UBN2: variants seen among roughly 807,000 people sequenced by gnomAD.
The protein encoded by UBN2 is ubinuclein 2.
UBN2 carries 35 observed loss-of-function variants against 120.2 expected under a neutral mutation model. The observed-to-expected ratio is 0.29, with a 90% CI of 0.22 to 0.39. The LOEUF is 0.39. Among genes scored for constraint, UBN2 ranks in the 10% least tolerant of loss-of-function variants. UBN2 has a pLI of 1.00. For synonymous variants in UBN2, 661 were observed against 648.7 expected, an observed-to-expected ratio of 1.02 and a Z score of -0.29; for missense variants, 1,693 against 1,663.2, an observed-to-expected ratio of 1.02 and a Z score of -0.31.
chr7:139,231,767 C>T lies in UBN2; in HGVS notation c.283C>T (p.Pro95Ser). ...SLQREPPRPE[P>S]PPPFPPLPLQ... is the part of the protein sequence containing the mutation. Reference sequence around the variant, plus strand: ...GCAGCGGGAGCCCCCGCGGCCCGAGCCGCCGCCGCCGTTCCCGCCGCTGCC... The same window carrying T: ...GCAGCGGGAGCCCCCGCGGCCCGAGTCGCCGCCGCCGTTCCCGCCGCTGCC... The change falls in exon 1 of 18, where the codon CCG becomes TCG. Residue 95 changes from proline (P) to serine (S), a missense_variant. By Grantham distance (74) the Pro-to-Ser change is moderately conservative (BLOSUM62 -1). Coordinates refer to ENST00000473989, the MANE Select transcript of UBN2 (RefSeq NM_173569.4). 1 of 1,245,224 alleles carries T rather than the reference C, an allele frequency of 8.0e-7. No individual in the cohort carries two copies. Among genetic ancestry groups the T allele is most frequent in the Non-Finnish European group, 1.0e-6 (1 of 999,842 alleles). The allele number at this position is 1,245,224 out of a possible 1,614,324, so 77.1% of individuals were successfully genotyped here. A position where few individuals can be genotyped will look rare whatever the true frequency, so the allele number is the denominator to read the frequency against.
chr7:139,302,273 A>G lies in UBN2; in HGVS notation c.*4437A>G, dbSNP rs2131087240. 1 of 152,352 alleles carries G rather than the reference A, an allele frequency of 6.6e-6. No homozygotes were observed. The highest frequency in any genetic ancestry group is 2.4e-5 in the African/African-American group (1 of 41,576). 9.4% of individuals were successfully genotyped at this position (152,352 alleles called of 1,614,324 possible). A position where few individuals can be genotyped will look rare whatever the true frequency, so the allele number is the denominator to read the frequency against. ...TGTAAGATACATACATTACATATAT[A>G]TAAAACTAGGAGCTGCTGTACCATT... On this transcript the variant is annotated 3_prime_UTR_variant, in exon 18 of 18. Coordinates refer to ENST00000473989, the MANE Select transcript of UBN2 (RefSeq NM_173569.4).
intron 15 of UBN2, among the ~76,000 whole-genome samples, chr7:139,289,680 G>A (rs1797894878): frequency 6.6e-6 from 1 of 152,004 alleles, no homozygotes; most frequent in Non-Finnish European, 1.5e-5. Flanking sequence ...CCAAAGTGCT[G>A]GGATAATAGG....
rs950663422 is a variant in UBN2 at position 139,299,951 on chromosome 7, A to G, written c.*2115A>G. On this transcript the variant is annotated 3_prime_UTR_variant, in exon 18 of 18. Coordinates refer to ENST00000473989, the MANE Select transcript of UBN2 (RefSeq NM_173569.4). ...AAGTGCGTATTAATTTCTCTTCCTG[A>G]ATACTTGTATATATGTTTGTCTGTA... 3.3e-5 allele frequency: 5 copies of G among 152,140 alleles called. No homozygotes were observed. The highest frequency in any genetic ancestry group is 7.4e-5 in the Non-Finnish European group (5 of 68,018). The allele number at this position is 152,140 out of a possible 1,614,324, so 9.4% of individuals were successfully genotyped here.
At chr7:139,266,466 T>G in intron 7 of UBN2, 63 bp downstream of exon 7, 1 of 932,334 alleles carries the variant, frequency 1.1e-6, no homozygotes, top group African/African-American at 1.7e-5. Context: ...GTAATAGGCC[T>G]TTGAGATACT....
intron 3 of UBN2, among the ~76,000 whole-genome samples, chr7:139,257,846 C>A (rs1225076037): frequency 6.6e-6 from 1 of 151,834 alleles, no homozygotes; most frequent in Non-Finnish European, 1.5e-5. Context: ...TGTGCAATGA[C>A]GCAATCTTGG....
At chr7:139,267,607 A>G (rs892932927) in intron 7 of UBN2, among the ~76,000 whole-genome samples, 16 of 152,148 alleles carry the variant, frequency 1.1e-4, no homozygotes, top group African/African-American at 3.6e-4. Context: ...TATTTATAAT[A>G]CTATGATTTC....
rs948076649 is a variant in UBN2 at position 139,298,097 on chromosome 7, A to G, written c.*261A>G. ...AGAGTTACCGTATTAACAGACTTGA[A>G]AGAGACTCAGTTGTCAAACCCACAG... On this transcript the variant is annotated 3_prime_UTR_variant, in exon 18 of 18. Transcript: ENST00000473989. The G allele has an allele frequency of 7.9e-6, 3 of 378,698 alleles. No homozygotes were observed. The highest frequency in any genetic ancestry group is 1.4e-5 in the Non-Finnish European group (3 of 211,042). 23.5% of individuals were successfully genotyped at this position (378,698 alleles called of 1,614,324 possible).
intron 2 of UBN2, among the ~76,000 whole-genome samples, chr7:139,241,365 A>G (rs1020216165): frequency 2.0e-5 from 3 of 152,222 alleles, no homozygotes; most frequent in Non-Finnish European, 4.4e-5. Context: ...TTTGAATCTG[A>G]ATGACTCTCT....
chr7:139,282,380 G>A (rs532317191), intron 14 of UBN2, among the ~76,000 whole-genome samples: 109 of 152,184 alleles, frequency 7.2e-4, no homozygotes, highest in African/African-American at 2.5e-3. Flanking sequence ...TCTTAGCATA[G>A]AGCCCTGCTC....
In UBN2 at chr7:139,300,832, G is replaced by T. The variant is rs1300692910; in HGVS notation, c.*2996G>T. On this transcript the variant is annotated 3_prime_UTR_variant, in exon 18 of 18. Transcript: ENST00000473989. ...CAGGGTTGTCCTCGGAGATAGCTGT[G>T]CTGAGCCTCAGTTGGAGACTGGGAG... 1 of 152,234 alleles carries T rather than the reference G, an allele frequency of 6.6e-6. No individual in the cohort carries two copies. The highest frequency in any genetic ancestry group is 1.5e-5 in the Non-Finnish European group (1 of 68,040). The allele number at this position is 152,234 out of a possible 1,614,324, so 9.4% of individuals were successfully genotyped here.
chr7:139,297,999 G>T lies in UBN2; in HGVS notation c.*163G>T. 1 of 707,220 alleles carries T rather than the reference G, an allele frequency of 1.4e-6. No individual in the cohort carries two copies. The highest frequency in any genetic ancestry group is 2.3e-6 in the Non-Finnish European group (1 of 429,980). The allele number at this position is 707,220 out of a possible 1,614,324, so 43.8% of individuals were successfully genotyped here. A position where few individuals can be genotyped will look rare whatever the true frequency, so the allele number is the denominator to read the frequency against. Reference sequence around the variant, plus strand: ...AAAAAGAAAAGAAAACATTACTTGAGCAAAGCCAGGTGCAGGAGGAAGAAA... The same window carrying T: ...AAAAAGAAAAGAAAACATTACTTGATCAAAGCCAGGTGCAGGAGGAAGAAA... On this transcript the variant is annotated 3_prime_UTR_variant, in exon 18 of 18. Transcript: ENST00000473989.
chr7:139,231,340 C>T lies in UBN2; in HGVS notation c.-145C>T. 1 of 625,710 alleles carries T rather than the reference C, an allele frequency of 1.6e-6. No homozygotes were observed. Among genetic ancestry groups the T allele is most frequent in the Non-Finnish European group, 2.3e-6 (1 of 432,910 alleles). The allele number at this position is 625,710 out of a possible 1,614,324, so 38.8% of individuals were successfully genotyped here. On this transcript the variant is annotated 5_prime_UTR_variant, in exon 1 of 18. Coordinates refer to ENST00000473989, the MANE Select transcript of UBN2 (RefSeq NM_173569.4). ...GTAGCGGGGAAGGGGACACGGTCCG[C>T]ACTCACCGTGGCGCCGGCGGAGACG... is the stretch of plus-strand genomic sequence containing the variant.
At chr7:139,258,974 G>C (rs1204881471) in intron 4 of UBN2, among the ~76,000 whole-genome samples, 2 of 152,070 alleles carry the variant, frequency 1.3e-5, no homozygotes, top group Non-Finnish European at 2.9e-5. Context: ...CATTGTCTTT[G>C]GGAAAGATAT....
intron 12 of UBN2, 68 bp downstream of exon 12, chr7:139,276,215 A>G: frequency 7.0e-7 from 1 of 1,418,932 alleles, no homozygotes; most frequent in South Asian, 1.2e-5. Flanking sequence ...CAAAAGTATC[A>G]TTTATTAAAT....
At chr7:139,255,919 G>C (rs1044821900) in intron 3 of UBN2, among the ~76,000 whole-genome samples, 1 of 152,126 alleles carries the variant, frequency 6.6e-6, no homozygotes, top group Non-Finnish European at 1.5e-5. Flanking sequence ...CTTTTATTTA[G>C]ATAGTCTCTT....
intron 15 of UBN2, among the ~76,000 whole-genome samples, chr7:139,292,319 C>T (rs1335127451): frequency 6.6e-6 from 1 of 152,136 alleles, no homozygotes; most frequent in Non-Finnish European, 1.5e-5. Context: ...AAAGCCCATC[C>T]ATGTTGGCAT....
At chr7:139,282,532 A>G (rs969871185) in intron 14 of UBN2, among the ~76,000 whole-genome samples, 3 of 152,168 alleles carry the variant, frequency 2.0e-5, no homozygotes, top group East Asian at 1.9e-4. Context: ...CAGTTTTTCT[A>G]TGTACTGGCT....
At chr7:139,239,551 CTTTTTTTT>C (rs774812960) in intron 2 of UBN2, among the ~76,000 whole-genome samples, 5 of 94,580 alleles carry the variant, frequency 5.3e-5, no homozygotes, top group Non-Finnish European at 1.0e-4. Context: ...ATTAGAGTGT[CTTTTTTTT>C]TTTTTTTTTT....
At chr7:139,297,240 T>C (rs562401097) in intron 17 of UBN2, among the ~76,000 whole-genome samples, 11 of 152,172 alleles carry the variant, frequency 7.2e-5, no homozygotes, top group African/African-American at 2.2e-4. Flanking sequence ...GTAGCAGACT[T>C]TCCTGTCACT....
Sources: gnomAD v4.1 joint callset for allele counts (sites outside exome capture counted in the v4.1 genomes callset) on GRCh38, gnomAD v4.1.1 for gene constraint, MANE v1.5 for transcripts, NCBI Gene and HGNC (gene_info 2026-07-23, HGNC 2026-07-21) for gene names.